The following NEK10 variants were observed in gnomAD, a reference collection of about 807,000 sequenced individuals.
NEK10 encodes NIMA related kinase 10, also known as serine/threonine-protein kinase Nek10.
Under a neutral mutation model 159.8 loss-of-function variants are expected in NEK10, and 122 were observed. The observed-to-expected ratio is 0.76, with a 90% CI of 0.66 to 0.89. The LOEUF (loss-of-function observed/expected upper bound fraction) is 0.89. Ranked by LOEUF, NEK10 falls within the 40% of genes least tolerant of loss-of-function variation. NEK10 has a pLI of 0.00. For synonymous variants in NEK10, 466 were observed against 457.1 expected (o/e 1.02, Z -0.25); for missense variants, 1,342 against 1,323.1 (o/e 1.01, Z -0.22).
chr3:27,368,551 T>G (rs2049274203), intron 1 of NEK10, among the ~76,000 whole-genome samples: 1 of 151,594 alleles, frequency 6.6e-6, no homozygotes, highest in Admixed American at 6.6e-5. Flanking sequence ...GAAGCAGCAG[T>G]AAGTGTCATG....
chr3:27,254,918 T>TATAC (rs1956025085), intron 23 of NEK10, among the ~76,000 whole-genome samples: 1 of 141,796 alleles, frequency 7.1e-6, no homozygotes, highest in Non-Finnish European at 1.6e-5. Flanking sequence ...CTCTTTCTCT[T>TATAC]ACACACACAC....
At chr3:27,149,954 CAAT>C (rs1944669108) in intron 30 of NEK10, among the ~76,000 whole-genome samples, 1 of 152,144 alleles carries the variant, frequency 6.6e-6, no homozygotes, top group South Asian at 2.1e-4. Context: ...TGAATAATAA[CAAT>C]GACAGCCTTA....
Position 27,354,627 on chromosome 3 carries a change from C to T in NEK10, c.-37-1708G>A, listed in dbSNP as rs911457841. On this transcript the variant is annotated intron_variant, in intron 1 of 35. Coordinates refer to ENST00000691995, the MANE Select transcript of NEK10 (RefSeq NM_001394966.1). ...AATTAACAAAAATGATTACATTATA[C>T]TAATGTCTACACTATAATACAAAAT... 9.9e-5 allele frequency among the ~76,000 whole-genome samples: 15 copies of T among 152,280 alleles called. No individual in the cohort carries two copies. In the South Asian group the frequency reaches 3.1e-3, roughly 32 times the overall value.
chr3:27,307,679 C>T (rs1286398251), intron 11 of NEK10, among the ~76,000 whole-genome samples, 180 bp downstream of exon 11: 1 of 152,148 alleles, frequency 6.6e-6, no homozygotes, highest in African/African-American at 2.4e-5. Context: ...CAGGACTAAA[C>T]ATAAATGGAT....
At chr3:27,329,723 C>T (rs559716790) in intron 5 of NEK10, among the ~76,000 whole-genome samples, 1 of 152,148 alleles carries the variant, frequency 6.6e-6, no homozygotes, top group South Asian at 2.1e-4. Flanking sequence ...TTTAAATGTG[C>T]ATTGATTAGT....
Position 27,174,436 on chromosome 3 carries a change from T to A in NEK10, c.2776+3A>T. 2 of 1,608,012 alleles carry A rather than the reference T, an allele frequency of 1.2e-6. No individual in the cohort carries two copies. The highest frequency in any genetic ancestry group is 1.7e-6 in the Non-Finnish European group (2 of 1,179,006). On this transcript the variant is annotated splice_donor_region_variant and intron_variant, in intron 28 of 35. Transcript: ENST00000691995. ...AACAGCAAATTGATAACAGAAAGCT[T>A]ACTGAATGTAGATTCTTTCAGAGGG...
intron 23 of NEK10, 96 bp from the exon 24 acceptor site, chr3:27,202,653 A>G: frequency 7.4e-7 from 1 of 1,353,042 alleles, no homozygotes; most frequent in Non-Finnish European, 9.7e-7. Flanking sequence ...TTTTTTAAGT[A>G]TCTGAAATGT....
At chr3:27,277,625 T>A (rs1426379690) in intron 22 of NEK10, among the ~76,000 whole-genome samples, 1 of 152,204 alleles carries the variant, frequency 6.6e-6, no homozygotes, top group Non-Finnish European at 1.5e-5. Flanking sequence ...GTGCTATGCC[T>A]CTGCATTAAC....
chr3:27,313,795 C>T (rs1054831284), intron 7 of NEK10, among the ~76,000 whole-genome samples: 2 of 152,106 alleles, frequency 1.3e-5, no homozygotes, highest in South Asian at 4.1e-4. Context: ...TCACTGCAAC[C>T]TCCGCCCCCC....
rs1173225902 is a variant in NEK10, at chr3:27,294,205, C to G, written c.1309-553G>C. 3.3e-5 allele frequency among the ~76,000 whole-genome samples: 5 copies of G among 152,304 alleles called. No homozygotes were observed. In the East Asian group the frequency reaches 9.6e-4, roughly 29 times the overall value. ...GAACGCTCAGAAAGAGGCCTGTGAG[C>G]CTTTACCTAGGAAAAATAAACATCT... On this transcript the variant is annotated intron_variant, in intron 15 of 35. Coordinates refer to ENST00000691995, the MANE Select transcript of NEK10 (RefSeq NM_001394966.1).
At chr3:27,135,252 C>A (rs534675010) in intron 31 of NEK10, among the ~76,000 whole-genome samples, 2 of 152,274 alleles carry the variant, frequency 1.3e-5, no homozygotes, top group East Asian at 3.9e-4. Flanking sequence ...CAAGATCCAT[C>A]TCCAATAAAG....
chr3:27,162,794 C>G, intron 29 of NEK10, 56 bp from the exon 30 acceptor site: 1 of 1,611,006 alleles, frequency 6.2e-7, no homozygotes, highest in Non-Finnish European at 8.5e-7. Context: ...ATTTGACAAA[C>G]TAAGAGCCTA....
chr3:27,246,383 C>T (rs1348129666), intron 23 of NEK10, among the ~76,000 whole-genome samples: 1 of 152,066 alleles, frequency 6.6e-6, no homozygotes, highest in Non-Finnish European at 1.5e-5. Flanking sequence ...CTTTCATCCT[C>T]AAGTAAATTT....
chr3:27,286,905 G>A (rs2042657759), intron 20 of NEK10, among the ~76,000 whole-genome samples: 1 of 151,956 alleles, frequency 6.6e-6, no homozygotes, highest in Non-Finnish European at 1.5e-5. Context: ...GTTTTTCTGA[G>A]TCATCTAGGG....
intron 26 of NEK10, 120 bp downstream of exon 26, chr3:27,191,909 C>T (rs749471459): frequency 8.4e-5 from 61 of 723,634 alleles, no homozygotes; most frequent in Non-Finnish European, 1.4e-4. Context: ...AACTATACTA[C>T]TGCAATATTG....
chr3:27,213,989 C>A (rs1325245470), intron 23 of NEK10, among the ~76,000 whole-genome samples: 1 of 152,158 alleles, frequency 6.6e-6, no homozygotes, highest in East Asian at 1.9e-4. Context: ...CATCTATTGC[C>A]TCTAAGGGCA....
At position 27,291,255 on chromosome 3, in the gene NEK10, A is replaced by C; in HGVS notation, c.1605+7T>G. The C allele has an allele frequency of 9.9e-6, 16 of 1,609,672 alleles. No individual in the cohort carries two copies. The highest frequency in any genetic ancestry group is 1.3e-5 in the Non-Finnish European group (15 of 1,178,750). On this transcript the variant is annotated splice_region_variant and intron_variant, in intron 18 of 35. Transcript: ENST00000691995. ...GTATCAGAAATGTTCCCCAAGGGGAAAGTCACCTTGTAAACACAGCCAAAA... is the reference window on the plus strand; with the variant it reads ...GTATCAGAAATGTTCCCCAAGGGGACAGTCACCTTGTAAACACAGCCAAAA...
rs1939413787 is a variant in NEK10 at position 27,110,635 on chromosome 3, G to C, written c.*637C>G. 2.0e-5 allele frequency: 3 copies of C among 151,908 alleles called. No individual in the cohort carries two copies. The highest frequency in any genetic ancestry group is 4.2e-4 in the South Asian group (2 of 4,814). The allele number at this position is 151,908 out of a possible 1,614,324, so 9.4% of individuals were successfully genotyped here. A position where few individuals can be genotyped will look rare whatever the true frequency, so the allele number is the denominator to read the frequency against. ...TGACAGTTTGACAGTTACCCCCAGA[G>C]GCTGTGCAAGGTTACAAATACTGTC... On this transcript the variant is annotated 3_prime_UTR_variant, in exon 36 of 36. Coordinates refer to ENST00000691995, the MANE Select transcript of NEK10 (RefSeq NM_001394966.1).
intron 22 of NEK10, among the ~76,000 whole-genome samples, chr3:27,273,525 C>A (rs1257794611): frequency 6.6e-6 from 1 of 152,140 alleles, no homozygotes; most frequent in Non-Finnish European, 1.5e-5. Flanking sequence ...CATATCTATC[C>A]TTTTATCACA....
Sources: gnomAD v4.1 joint callset for allele counts (sites outside exome capture counted in the v4.1 genomes callset) on GRCh38, gnomAD v4.1.1 for gene constraint, MANE v1.5 for transcripts, NCBI Gene and HGNC (gene_info 2026-07-23, HGNC 2026-07-21) for gene names.